RAB9B: variants seen among roughly 807,000 people sequenced by gnomAD.
RAB9B encodes ras-related protein Rab-9B.
In RAB9B, 1 loss-of-function variant was observed where a neutral mutation model predicts 8.9. That is an observed-to-expected ratio of 0.11 (90% CI 0.04 to 0.53). RAB9B has a LOEUF of 0.53. RAB9B is among the 20% of genes least tolerant of loss of function. The pLI, the probability that RAB9B is intolerant of heterozygous loss-of-function variation, is 0.93. For missense variants in RAB9B, 82 were observed against 152.9 expected (o/e 0.54, Z 2.45); for synonymous variants, 63 against 57.0 (o/e 1.10, Z -0.47).
At chrX:103,817,819 T>C (rs755202914), downstream of RAB9B, among the ~76,000 whole-genome samples, 294 of 111,210 alleles carry the variant, frequency 2.6e-3, 1 homozygote, top group Non-Finnish European at 3.1e-3. Context: ...GATGAATGAA[T>C]ATTTTTTATT....
At chrX:103,793,421 G>T in the RAB9B span, among the ~76,000 whole-genome samples, 1 of 112,255 alleles carries the variant, frequency 8.9e-6, no homozygotes, top group Non-Finnish European at 1.9e-5. Context: ...CAGTTAAGGA[G>T]CTCCATTCAA....
chrX:103,809,764 G>C, the RAB9B span, among the ~76,000 whole-genome samples: 2 of 110,737 alleles, frequency 1.8e-5, no homozygotes, highest in Non-Finnish European at 3.8e-5. Flanking sequence ...GCAGGCACCA[G>C]TGCCTCCCAT....
the RAB9B span, among the ~76,000 whole-genome samples, chrX:103,796,107 T>A: frequency 8.9e-6 from 1 of 112,401 alleles, no homozygotes; most frequent in African/African-American, 3.2e-5. Context: ...ACAACTACTT[T>A]AAAATATTTC....
chrX:103,791,490 C>T, the RAB9B span: 1 of 112,176 alleles, frequency 8.9e-6, no homozygotes, highest in Non-Finnish European at 1.9e-5. Flanking sequence ...CTGAGATGGC[C>T]CTCTGGTAGA....
chrX:103,776,828 A>G, the RAB9B span: 1 of 518,313 alleles, frequency 1.9e-6, no homozygotes, highest in East Asian at 3.7e-5. Context: ...GTTGGCTGTC[A>G]ATCAGAAAGC....
At chrX:103,817,597 T>A (rs1485771042), downstream of RAB9B, among the ~76,000 whole-genome samples, 1 of 109,551 alleles carries the variant, frequency 9.1e-6, no homozygotes. Flanking sequence ...ATATATATAC[T>A]CTCTCTATAT....
chrX:103,776,867 G>A, the RAB9B span: 1 of 651,720 alleles, frequency 1.5e-6, no homozygotes, highest in South Asian at 2.5e-5. Flanking sequence ...AGAGGACAAA[G>A]ATACTCAGAG....
At chrX:103,788,665 C>A in the RAB9B span, 1 of 547,756 alleles carries the variant, frequency 1.8e-6, no homozygotes, top group Non-Finnish European at 3.3e-6. Context: ...GTGCCTGAGC[C>A]AATGAGCATA....
chrX:103,786,358 C>A, the RAB9B span: 1 of 1,055,381 alleles, frequency 9.5e-7, no homozygotes, highest in Non-Finnish European at 1.3e-6. Flanking sequence ...AAATCCCTAG[C>A]CTTGTTAAGG....
At chrX:103,787,388 T>A in the RAB9B span, 2 of 173,594 alleles carry the variant, frequency 1.2e-5, no homozygotes, top group Non-Finnish European at 2.1e-5. Flanking sequence ...GAAATTTTAA[T>A]CTCCTATTGG....
chrX:103,790,646 C>A, the RAB9B span: 1 of 935,905 alleles, frequency 1.1e-6, no homozygotes, highest in Non-Finnish European at 1.6e-6. Flanking sequence ...TCTAACCACA[C>A]AGCCTACAAT....
the RAB9B span, among the ~76,000 whole-genome samples, chrX:103,799,006 T>C: frequency 1.8e-5 from 2 of 109,043 alleles, no homozygotes; most frequent in Non-Finnish European, 3.8e-5. Flanking sequence ...AAGTTAAACA[T>C]GCCCTGTTAC....
At chrX:103,781,450 T>C in the RAB9B span, 18 of 207,273 alleles carry the variant, frequency 8.7e-5, no homozygotes, top group Middle Eastern at 5.7e-4. Flanking sequence ...AACCATGACA[T>C]GATCTTTTCC....
chrX:103,803,086 TTATC>T, the RAB9B span, among the ~76,000 whole-genome samples: 1 of 112,226 alleles, frequency 8.9e-6, no homozygotes, highest in Non-Finnish European at 1.9e-5. Context: ...CACATTTTGT[TTATC>T]TATTCTTCAG....
chrX:103,820,688 C>G (rs772231578), downstream of RAB9B, among the ~76,000 whole-genome samples: 115 of 110,910 alleles, frequency 1.0e-3, 1 homozygote, highest in African/African-American at 3.5e-3. Context: ...CATTGGCTCA[C>G]ACCTGTAATC....
the RAB9B span, chrX:103,792,629 C>A: frequency 8.9e-6 from 1 of 112,150 alleles, no homozygotes; most frequent in Non-Finnish European, 1.9e-5. Context: ...ACATCGTGTC[C>A]TTTGAGTGAA....
chrX:103,778,701 C>T, the RAB9B span, among the ~76,000 whole-genome samples: 1 of 111,203 alleles, frequency 9.0e-6, no homozygotes, highest in African/African-American at 3.3e-5. Flanking sequence ...TAAGGGTGGA[C>T]GATACTTGGG....
the RAB9B span, chrX:103,792,179 T>C: frequency 8.9e-6 from 1 of 112,028 alleles, no homozygotes; most frequent in East Asian, 2.8e-4. Context: ...ACAGTTCTTT[T>C]GTTGTAAAGA....
the RAB9B span, chrX:103,786,228 C>T: frequency 8.7e-7 from 1 of 1,143,331 alleles, no homozygotes; most frequent in Non-Finnish European, 1.2e-6. Flanking sequence ...TCTCCAGGTC[C>T]CAGGGTAAGC....
Sources: allele counts gnomAD v4.1 joint callset (sites outside exome capture counted in the v4.1 genomes callset), GRCh38; gene constraint gnomAD v4.1.1; transcripts MANE v1.5; gene names NCBI Gene and HGNC (gene_info 2026-07-23, HGNC 2026-07-21).